Variants in TSHZ1 observed in about 807,000 individuals in gnomAD.
The protein encoded by TSHZ1 is teashirt zinc finger homeobox 1.
A neutral mutation model predicts 67.1 loss-of-function variants in TSHZ1; 12 were observed. That is an observed-to-expected ratio of 0.18 (90% CI 0.11 to 0.29). TSHZ1 has a LOEUF of 0.29. TSHZ1 is among the 10% of genes least tolerant of loss of function. The probability of loss-of-function intolerance (pLI) is 1.00; values close to 1 mark genes in which losing one functional copy is unlikely to be tolerated. For synonymous variants in TSHZ1, 632 were observed against 622.4 expected, an observed-to-expected ratio of 1.02 and a Z score of -0.23; for missense variants, 1,305 against 1,413.9, an observed-to-expected ratio of 0.92 and a Z score of 1.23.
At chr18:75,254,739 T>C (rs2023343113) in intron 1 of TSHZ1, among the ~76,000 whole-genome samples, 1 of 152,172 alleles carries the variant, frequency 6.6e-6, no homozygotes, top group South Asian at 2.1e-4. Context: ...TTCTTAGAAA[T>C]GGAATAGCTC....
At chr18:75,265,862 A>G (rs145195032) in intron 1 of TSHZ1, among the ~76,000 whole-genome samples, 2 of 152,322 alleles carry the variant, frequency 1.3e-5, no homozygotes. Context: ...TAAAGTACTT[A>G]TATTTACTGA....
intron 1 of TSHZ1, among the ~76,000 whole-genome samples, chr18:75,273,710 T>G (rs755098846): frequency 1.6e-4 from 24 of 152,196 alleles, no homozygotes; most frequent in Non-Finnish European, 3.2e-4. Context: ...CCACTCACAT[T>G]AGAACACACA....
In TSHZ1 at chr18:75,281,738, G is replaced by A. The variant is rs980977370; in HGVS notation, c.41-3710G>A. Among the ~76,000 whole-genome samples the A allele has an allele frequency of 1.3e-5, 2 of 152,170 alleles. No individual in the cohort carries two copies. The highest frequency in any genetic ancestry group is 2.9e-5 in the Non-Finnish European group (2 of 68,024). ...GGTCACCGAGGGTCTGGAGACGAGG[G>A]AGAGGGCCACATGCTGCTCATGGGT... On this transcript the variant is annotated intron_variant, in intron 1 of 1. Transcript: ENST00000580243. The surrounding 1 kb of genome is among the most constrained non-coding windows in gnomAD (Gnocchi z 5.3).
chr18:75,272,863 G>A (rs1000627842), intron 1 of TSHZ1, among the ~76,000 whole-genome samples: 2 of 152,152 alleles, frequency 1.3e-5, no homozygotes, highest in Non-Finnish European at 2.9e-5. Flanking sequence ...CTATCCAGAT[G>A]AGTTAGAAAT....
At chr18:75,224,589 C>T (rs1054104448) in intron 1 of TSHZ1, among the ~76,000 whole-genome samples, 4 of 152,170 alleles carry the variant, frequency 2.6e-5, no homozygotes, top group African/African-American at 9.7e-5. Context: ...TGATCCCCCC[C>T]TCCCCGCAAT....
chr18:75,285,805 C>T lies in TSHZ1; in HGVS notation c.398C>T (p.Ala133Val), dbSNP rs775100022. The T allele has an allele frequency of 6.2e-7, 1 of 1,614,112 alleles. No homozygotes were observed. The highest frequency in any genetic ancestry group is 1.1e-5 in the South Asian group (1 of 91,076). Reference sequence around the variant, plus strand: ...TCCGAGTCCTGCTGGTCCAGCTTAGCTCTGGATTTAAAGAAGTCGGGTTCC... The same window carrying T: ...TCCGAGTCCTGCTGGTCCAGCTTAGTTCTGGATTTAAAGAAGTCGGGTTCC... ...LFSESCWSSLALDLKKSGSTT... is the reference protein window; with the variant it reads ...LFSESCWSSLVLDLKKSGSTT... Residue 133 changes from alanine to valine, a missense_variant, in exon 2 of 2, where the codon GCT becomes GTT. Coordinates refer to ENST00000580243, the MANE Select transcript of TSHZ1 (RefSeq NM_001308210.2).
intron 1 of TSHZ1, among the ~76,000 whole-genome samples, chr18:75,226,965 A>C (rs552578899): frequency 6.6e-6 from 1 of 152,300 alleles, no homozygotes; most frequent in Admixed American, 6.5e-5. Context: ...GAAGGTTCTG[A>C]GACCCAAAGG....
At chr18:75,264,982 GA>G (rs1196079956) in intron 1 of TSHZ1, among the ~76,000 whole-genome samples, 1 of 152,184 alleles carries the variant, frequency 6.6e-6, no homozygotes, top group Non-Finnish European at 1.5e-5. Flanking sequence ...GTGTTATTAA[GA>G]GAGATTTTTT....
chr18:75,223,610 T>G (rs540979206), intron 1 of TSHZ1, among the ~76,000 whole-genome samples: 1 of 149,972 alleles, frequency 6.7e-6, no homozygotes, highest in Non-Finnish European at 1.5e-5. Flanking sequence ...GGGGCTTTTT[T>G]GAAAGACAGA....
At chr18:75,242,878 T>G (rs1348775054) in intron 1 of TSHZ1, among the ~76,000 whole-genome samples, 1 of 152,232 alleles carries the variant, frequency 6.6e-6, no homozygotes, top group Non-Finnish European at 1.5e-5. Context: ...GTCCTGAGTC[T>G]TGAAATTCTT....
At chr18:75,237,154 G>C (rs146612936) in intron 1 of TSHZ1, among the ~76,000 whole-genome samples, 1 of 152,214 alleles carries the variant, frequency 6.6e-6, no homozygotes, top group Admixed American at 6.5e-5. Flanking sequence ...GTTCTTGACT[G>C]AGAGTTGCGT....
In TSHZ1 at chr18:75,211,884, G is replaced by A; in HGVS notation, c.8G>A (p.Arg3Lys). 8.4e-7 allele frequency: 1 copy of A among 1,195,152 alleles called. No homozygotes were observed. Among genetic ancestry groups the A allele is most frequent in the Non-Finnish European group, 1.0e-6 (1 of 964,430 alleles). 74.0% of individuals were successfully genotyped at this position (1,195,152 alleles called of 1,614,324 possible). A position where few individuals can be genotyped will look rare whatever the true frequency, so the allele number is the denominator to read the frequency against. The change falls in exon 1 of 2, where the codon AGG becomes AAG. Residue 3 changes from arginine to lysine, a missense_variant. By Grantham distance (26) the Arg-to-Lys change is conservative. Transcript: ENST00000580243. ...CTGCGGCGGCCGAGCAGCATGCCGA[G>A]GAGGAAGCAGCAGGCCCCCCGGCGC... MP[R>K]RKQQAPRRSA... is the part of the protein sequence containing the mutation.
At chr18:75,229,526 C>T (rs2022970102) in intron 1 of TSHZ1, among the ~76,000 whole-genome samples, 1 of 152,226 alleles carries the variant, frequency 6.6e-6, no homozygotes, top group African/African-American at 2.4e-5. Context: ...TCTTGTTCTC[C>T]TTCCACTGTC....
intron 1 of TSHZ1, among the ~76,000 whole-genome samples, chr18:75,274,703 TTGTC>T (rs1011070702): frequency 9.8e-5 from 15 of 152,322 alleles, no homozygotes; most frequent in African/African-American, 2.9e-4. Context: ...CTCTATATCT[TTGTC>T]TGTCTGTCTC....
At chr18:75,273,127 T>G (rs183064085) in intron 1 of TSHZ1, among the ~76,000 whole-genome samples, 1 of 152,220 alleles carries the variant, frequency 6.6e-6, no homozygotes, top group Non-Finnish European at 1.5e-5. Flanking sequence ...AAGCAGAGCA[T>G]GTTCAGGGAA....
rs149729975 is a variant in TSHZ1, at chr18:75,287,250, G to A, written c.1843G>A (p.Ala615Thr). ...YAGGVKSLSS[A>T]EHNALLHSPG... ...TGGCGGCGTGAAGTCGCTGTCTTCCGCCGAGCACAACGCCCTCCTGCACTC... is the reference window on the plus strand; with the variant it reads ...TGGCGGCGTGAAGTCGCTGTCTTCCACCGAGCACAACGCCCTCCTGCACTC... The change falls in exon 2 of 2, where the codon GCC becomes ACC. Residue 615 changes from alanine to threonine, a missense_variant. By Grantham distance (58) the Ala-to-Thr change is moderately conservative (BLOSUM62 0). Coordinates refer to ENST00000580243, the MANE Select transcript of TSHZ1 (RefSeq NM_001308210.2). This position sits in a 1 kb window ranked among gnomAD's most constrained non-coding sequence, Gnocchi z 5.0. The A allele has an allele frequency of 3.1e-3, 4,938 of 1,613,938 alleles. 21 individuals carry two copies. The highest frequency in any genetic ancestry group is 3.4e-3 in the Non-Finnish European group (4,065 of 1,179,964).
Position 75,285,990 on chromosome 18 carries a change from T to G in TSHZ1, c.583T>G (p.Ser195Ala), listed in dbSNP as rs2023754105. 6.2e-7 allele frequency: 1 copy of G among 1,601,966 alleles called. No individual in the cohort carries two copies. Among genetic ancestry groups the G allele is most frequent in the Non-Finnish European group, 8.5e-7 (1 of 1,175,320 alleles). Reference protein sequence around the residue: ...HSSTTSTSSSSGYDWHQAALA... With the variant: ...HSSTTSTSSSAGYDWHQAALA... ...CAGTACCACCAGTACCAGCAGCAGCTCCGGGTACGACTGGCACCAGGCTGC... is the reference window on the plus strand; with the variant it reads ...CAGTACCACCAGTACCAGCAGCAGCGCCGGGTACGACTGGCACCAGGCTGC... Residue 195 changes from serine (S) to alanine (A), a missense_variant, in exon 2 of 2, where the codon TCC becomes GCC. Transcript: ENST00000580243.
intron 1 of TSHZ1, among the ~76,000 whole-genome samples, chr18:75,258,119 C>T (rs952695915): frequency 1.3e-5 from 2 of 152,146 alleles, no homozygotes; most frequent in South Asian, 2.1e-4. Context: ...GAGCGTGACT[C>T]GGTGTCTGCA....
At chr18:75,273,468 T>C (rs1246699859) in intron 1 of TSHZ1, among the ~76,000 whole-genome samples, 2 of 152,212 alleles carry the variant, frequency 1.3e-5, no homozygotes, top group African/African-American at 4.8e-5. Flanking sequence ...CTAGAGTGAG[T>C]CTTGTTTTCT....
Sources: gnomAD v4.1 joint callset for allele counts (sites outside exome capture counted in the v4.1 genomes callset) on GRCh38, gnomAD v4.1.1 for gene constraint, Gnocchi (gnomAD v3.1) non-coding constraint, MANE v1.5 for transcripts, NCBI Gene and HGNC (gene_info 2026-07-23, HGNC 2026-07-21) for gene names.